G3BP2: variants seen among roughly 807,000 people sequenced by gnomAD.
G3BP2 encodes the protein G3BP stress granule assembly factor 2, also known as ras GTPase-activating protein-binding protein 2.
Under a neutral mutation model 56.7 loss-of-function variants are expected in G3BP2, and 11 were observed. The observed-to-expected ratio is 0.19, with a 90% CI of 0.12 to 0.32. The LOEUF (loss-of-function observed/expected upper bound fraction) is 0.32. Ranked by LOEUF, G3BP2 falls within the 10% of genes least tolerant of loss-of-function variation. G3BP2 has a pLI of 1.00. For missense variants in G3BP2, 340 were observed against 610.9 expected (o/e 0.56, Z 4.67); for synonymous variants, 165 against 191.6 (o/e 0.86, Z 1.15).
At chr4:75,669,606 C>T (rs1234540169) in intron 1 of G3BP2, among the ~76,000 whole-genome samples, 1 of 152,244 alleles carries the variant, frequency 6.6e-6, no homozygotes, top group African/African-American at 2.4e-5. Flanking sequence ...TTATCTCCTA[C>T]TATACTTTCT....
chr4:75,686,162 T>A (rs2149074601), intron 3 of G3BP2, among the ~76,000 whole-genome samples: 1 of 152,336 alleles, frequency 6.6e-6, no homozygotes, highest in Non-Finnish European at 1.5e-5. Flanking sequence ...AATGATAGTG[T>A]TCATTTCCCA....
chr4:75,676,465 C>T (rs1335211678), upstream of G3BP2, among the ~76,000 whole-genome samples: 2 of 151,502 alleles, frequency 1.3e-5, no homozygotes, highest in African/African-American at 4.8e-5. Flanking sequence ...GCCTTGGCCT[C>T]CCAAGTGGCT....
intron 8 of G3BP2, 131 bp from the exon 9 acceptor site, chr4:75,648,872 C>CTATG: frequency 5.4e-6 from 3 of 560,684 alleles, no homozygotes; most frequent in Admixed American, 2.9e-5. Context: ...ACATAGTGTC[C>CTATG]TATGTATGAG....
At chr4:75,648,505 C>A in intron 9 of G3BP2, 134 bp downstream of exon 9, 1 of 475,900 alleles carries the variant, frequency 2.1e-6, no homozygotes, top group East Asian at 2.9e-5. Flanking sequence ...TAGCAGGTTG[C>A]TCACATCACA....
intron 1 of G3BP2, among the ~76,000 whole-genome samples, chr4:75,666,654 G>A (rs1490248586): frequency 6.6e-6 from 1 of 152,102 alleles, no homozygotes; most frequent in East Asian, 1.9e-4. Flanking sequence ...TATAAAGTTC[G>A]TATTTATAAT....
intron 3 of G3BP2, among the ~76,000 whole-genome samples, chr4:75,699,402 G>A (rs1406514757): frequency 6.6e-6 from 1 of 152,198 alleles, no homozygotes; most frequent in Admixed American, 6.5e-5. Context: ...CCCAGTGGGA[G>A]TCATTATTTC....
intron 1 of G3BP2, 45 bp downstream of exon 1, chr4:75,673,163 T>C (rs1293633082): frequency 8.6e-7 from 1 of 1,162,816 alleles, no homozygotes; most frequent in African/African-American, 1.6e-5. Flanking sequence ...GGAATGTCCC[T>C]TTCCGACCAC....
chr4:75,687,390 T>G (rs975953884), intron 3 of G3BP2, among the ~76,000 whole-genome samples: 3 of 152,228 alleles, frequency 2.0e-5, no homozygotes, highest in Non-Finnish European at 4.4e-5. Context: ...CCACCATGAT[T>G]GTGAGACCTC....
At chr4:75,690,949 C>CA (rs1198381351) in intron 3 of G3BP2, among the ~76,000 whole-genome samples, 2 of 151,998 alleles carry the variant, frequency 1.3e-5, no homozygotes, top group African/African-American at 4.8e-5. Flanking sequence ...TACACTTAAA[C>CA]AAAAAAACAG....
intron 1 of G3BP2, among the ~76,000 whole-genome samples, chr4:75,723,788 T>C (rs1720279525): frequency 6.6e-6 from 1 of 152,170 alleles, no homozygotes; most frequent in Non-Finnish European, 1.5e-5. Context: ...ACTAGACCTG[T>C]GCTTTTTAGC....
chr4:75,687,053 C>T (rs920491636), intron 3 of G3BP2, among the ~76,000 whole-genome samples: 1 of 152,060 alleles, frequency 6.6e-6, no homozygotes, highest in East Asian at 1.9e-4. Context: ...CATAGCAAGA[C>T]CCCCATCTCT....
rs1560610443 is a variant in G3BP2 at position 75,648,779 on chromosome 4, T to A, written c.826-38A>T. 7 of 1,304,054 alleles carry A rather than the reference T, an allele frequency of 5.4e-6. No individual in the cohort carries two copies. The African/African-American group carries it at 5.9e-5, about 11-fold the overall frequency. The allele number at this position is 1,304,054 out of a possible 1,614,324, so 80.8% of individuals were successfully genotyped here. A position where few individuals can be genotyped will look rare whatever the true frequency, so the allele number is the denominator to read the frequency against. On this transcript the variant is annotated intron_variant, in intron 8 of 11. Coordinates refer to ENST00000359707, the MANE Select transcript of G3BP2 (RefSeq NM_203505.3). ...GAAAAAAAAACATTATAAAAAACAC[T>A]CCACTGGAGAAAAACCAACCAAAGC...
intron 3 of G3BP2, among the ~76,000 whole-genome samples, chr4:75,694,138 G>A (rs1360078143): frequency 6.6e-6 from 1 of 152,106 alleles, no homozygotes; most frequent in Non-Finnish European, 1.5e-5. Context: ...TGGAAAAGAC[G>A]GAGAAAAACG....
Position 75,643,332 on chromosome 4 carries a change from A to T in G3BP2, c.*2098T>A. 9.4e-6 allele frequency: 1 copy of T among 106,290 alleles called. No homozygotes were observed. The highest frequency in any genetic ancestry group is 3.9e-5 in the African/African-American group (1 of 25,376). 6.6% of individuals were successfully genotyped at this position (106,290 alleles called of 1,614,324 possible). ...ATATATATATGGAAACAGAAATACA[A>T]GAAAATATGCTTGGGGGAAAAAAAA... On this transcript the variant is annotated 3_prime_UTR_variant, in exon 12 of 12. Transcript: ENST00000359707.
chr4:75,650,690 C>T (rs1166294789), intron 8 of G3BP2, among the ~76,000 whole-genome samples: 1 of 151,906 alleles, frequency 6.6e-6, no homozygotes, highest in African/African-American at 2.4e-5. Context: ...GTATTTACTC[C>T]TATAAAGTCT....
chr4:75,695,191 G>A (rs981628595), intron 3 of G3BP2, among the ~76,000 whole-genome samples: 6 of 152,192 alleles, frequency 3.9e-5, no homozygotes, highest in African/African-American at 1.4e-4. Context: ...AAGTTACTGG[G>A]CAGTAATAAC....
upstream of G3BP2, among the ~76,000 whole-genome samples, chr4:75,678,308 G>A (rs1472675717): frequency 1.1e-5 from 1 of 93,068 alleles, no homozygotes; most frequent in African/African-American, 4.1e-5. Flanking sequence ...GTGTGTGTGT[G>A]TGTGTGTGTG....
intron 3 of G3BP2, among the ~76,000 whole-genome samples, chr4:75,716,136 A>G (rs1304852644): frequency 6.6e-6 from 1 of 152,022 alleles, no homozygotes; most frequent in African/African-American, 2.4e-5. Context: ...AGGTGGGGAG[A>G]GGGCAGTGGG....
chr4:75,696,031 A>C (rs1255915644), intron 3 of G3BP2, among the ~76,000 whole-genome samples: 1 of 151,890 alleles, frequency 6.6e-6, no homozygotes, highest in African/African-American at 2.4e-5. Context: ...TGAGATGAAC[A>C]GAATCCTACA....
Sources: allele counts gnomAD v4.1 joint callset (sites outside exome capture counted in the v4.1 genomes callset), GRCh38; gene constraint gnomAD v4.1.1; transcripts MANE v1.5; gene names NCBI Gene and HGNC (gene_info 2026-07-23, HGNC 2026-07-21).